Variants in ZFHX3 observed in about 807,000 individuals in gnomAD.
The protein encoded by ZFHX3 is zinc finger homeobox 3, also known as zinc finger homeobox protein 3.
ZFHX3 carries 42 observed loss-of-function variants against 279.1 expected under a neutral mutation model. That is an observed-to-expected ratio of 0.15 (90% CI 0.12 to 0.19). The LOEUF (loss-of-function observed/expected upper bound fraction) is 0.19, where lower values mean the gene tolerates loss of function less well. ZFHX3 is among the 10% of genes least tolerant of loss of function. The pLI, the probability that ZFHX3 is intolerant of heterozygous loss-of-function variation, is 1.00. For missense variants in ZFHX3, 4,981 were observed against 4,754.0 expected (o/e 1.05, Z -1.40); for synonymous variants, 2,293 against 1,957.8 (o/e 1.17, Z -4.52).
intron 3 of ZFHX3, among the ~76,000 whole-genome samples, chr16:73,378,953 C>T (rs1237741288): frequency 1.3e-5 from 2 of 152,106 alleles, no homozygotes; most frequent in Non-Finnish European, 2.9e-5. Flanking sequence ...CTTGTTCTAA[C>T]TGAAGTGTAA....
At chr16:73,641,244 T>A (rs565337719) in intron 2 of ZFHX3, among the ~76,000 whole-genome samples, 18 of 151,824 alleles carry the variant, frequency 1.2e-4, no homozygotes, top group African/African-American at 4.4e-4. Flanking sequence ...AAGCATAAAA[T>A]CCAGGGAAAG....
chr16:73,832,690 G>A (rs765071566), intron 1 of ZFHX3, among the ~76,000 whole-genome samples: 1 of 152,058 alleles, frequency 6.6e-6, no homozygotes, highest in South Asian at 2.1e-4. Flanking sequence ...TGGGATTACA[G>A]GCATGAGCCA....
intron 2 of ZFHX3, among the ~76,000 whole-genome samples, chr16:72,952,589 G>C (rs1202448790): frequency 6.6e-6 from 1 of 152,174 alleles, no homozygotes; most frequent in Non-Finnish European, 1.5e-5. Flanking sequence ...AGTGAAAAAA[G>C]AGCGGGACTG....
At chr16:73,872,599 G>C (rs1018296564) in intron 1 of ZFHX3, among the ~76,000 whole-genome samples, 13 of 151,184 alleles carry the variant, frequency 8.6e-5, no homozygotes, top group Admixed American at 8.6e-4. Context: ...CCTCTGAATA[G>C]TACATGAATT....
At chr16:73,196,398 T>C (rs1425906371) in intron 5 of ZFHX3, among the ~76,000 whole-genome samples, 1 of 152,140 alleles carries the variant, frequency 6.6e-6, no homozygotes, top group African/African-American at 2.4e-5. Flanking sequence ...TTTCCCATCC[T>C]GATGGCTACG....
chr16:72,795,792 G>A lies in ZFHX3; in HGVS notation c.6890C>T (p.Ala2297Val), dbSNP rs2143421258. ...VVWFQNARQK[A>V]RKNYENQGEG... Reference sequence around the variant, plus strand: ...TCCCTGATTCTCATAATTCTTCCTGGCCTTCTGTCGGGCATTCTGAAACCA... The same window carrying A: ...TCCCTGATTCTCATAATTCTTCCTGACCTTCTGTCGGGCATTCTGAAACCA... The change falls in exon 9 of 10, where the codon GCC becomes GTC. Residue 2297 changes from alanine to valine, a missense_variant. This residue lies in a region of ZFHX3 where 177 missense variants were observed against 244.2 expected (regional missense o/e 0.72). Coordinates refer to ENST00000268489, the MANE Select transcript of ZFHX3 (RefSeq NM_006885.4). The A allele has an allele frequency of 6.2e-7, 1 of 1,614,104 alleles. No individual in the cohort carries two copies. Among genetic ancestry groups the A allele is most frequent in the Non-Finnish European group, 8.5e-7 (1 of 1,180,008 alleles).
At chr16:72,896,282 T>A (rs553364130) in intron 3 of ZFHX3, among the ~76,000 whole-genome samples, 4 of 152,302 alleles carry the variant, frequency 2.6e-5, no homozygotes, top group East Asian at 1.9e-4. Flanking sequence ...GGGCTACTCA[T>A]GTTTTAAAAT....
chr16:73,574,634 C>T (rs1025681100), intron 2 of ZFHX3, among the ~76,000 whole-genome samples: 1 of 152,160 alleles, frequency 6.6e-6, no homozygotes, highest in Non-Finnish European at 1.5e-5. Flanking sequence ...GGATTCCTAA[C>T]ACAGGGGTTT....
At chr16:73,226,218 C>T (rs2012586484) in intron 5 of ZFHX3, among the ~76,000 whole-genome samples, 1 of 152,190 alleles carries the variant, frequency 6.6e-6, no homozygotes, top group Non-Finnish European at 1.5e-5. Context: ...TCCCAGGTGC[C>T]TCAAAATCTC....
intron 7 of ZFHX3, among the ~76,000 whole-genome samples, chr16:73,108,387 T>C (rs997031500): frequency 2.0e-5 from 3 of 151,702 alleles, no homozygotes; most frequent in African/African-American, 7.3e-5. Context: ...AGGAAGACGA[T>C]GAAGAGGAGA....
In ZFHX3 at chr16:72,998,325, C is replaced by T. The variant is rs1419297411; in HGVS notation, c.-49-38131G>A. 2.6e-5 allele frequency among the ~76,000 whole-genome samples: 4 copies of T among 151,960 alleles called. No individual in the cohort carries two copies. In the East Asian group the frequency reaches 7.7e-4, roughly 29 times the overall value. On this transcript the variant is annotated intron_variant, in intron 1 of 9. Transcript: ENST00000268489. ...CTGAGGCACAAGAATTGCTTGAATC[C>T]AGGAGGCAGAGTTTGTAGTGAGCCA...
rs141305201 is a variant in ZFHX3, at chr16:73,316,042, A to G, written c.-1194+2198T>C. Among the ~76,000 whole-genome samples the G allele has an allele frequency of 6.3e-3, 952 of 152,224 alleles. 10 individuals carry two copies. The highest frequency in any genetic ancestry group is 0.021 in the African/African-American group (876 of 41,542). ...ACCGCTGGCCCGCACTGGCCAGACC[A>G]TGGGGAGAGGCTCTCAGAGGACAGT... On this transcript the variant is annotated intron_variant, in intron 4 of 17. Transcript: ENST00000641206.
intron 8 of ZFHX3, among the ~76,000 whole-genome samples, chr16:73,085,420 A>G (rs1597151355): frequency 6.6e-6 from 1 of 152,086 alleles, no homozygotes; most frequent in Non-Finnish European, 1.5e-5. Context: ...CACCACGCCC[A>G]GCTAATTTAG....
chr16:73,817,240 A>T (rs924679629), intron 1 of ZFHX3, among the ~76,000 whole-genome samples: 1 of 152,212 alleles, frequency 6.6e-6, no homozygotes, highest in South Asian at 2.1e-4. Flanking sequence ...CTCAGGTCCA[A>T]AGTAATTCTA....
At chr16:73,659,608 G>C (rs2052759037) in intron 2 of ZFHX3, among the ~76,000 whole-genome samples, 3 of 152,224 alleles carry the variant, frequency 2.0e-5, no homozygotes, top group African/African-American at 4.8e-5. Flanking sequence ...AGGCTCCCCT[G>C]AAATAGAAAT....
chr16:73,342,039 T>C (rs2016041688), intron 3 of ZFHX3, among the ~76,000 whole-genome samples: 1 of 152,214 alleles, frequency 6.6e-6, no homozygotes, highest in South Asian at 2.1e-4. Context: ...CACTCAATTG[T>C]GCACTGTAAA....
intron 1 of ZFHX3, among the ~76,000 whole-genome samples, chr16:73,759,632 C>T (rs2053843226): frequency 6.6e-6 from 1 of 152,118 alleles, no homozygotes; most frequent in Admixed American, 6.6e-5. Flanking sequence ...TAAGGACTCC[C>T]TACTCATTCA....
intron 3 of ZFHX3, among the ~76,000 whole-genome samples, chr16:72,906,846 A>G (rs2039187368): frequency 6.6e-6 from 1 of 151,964 alleles, no homozygotes. Context: ...ATTTTCTTTG[A>G]GCAAAATGGT....
At chr16:73,605,037 G>C (rs2052163669) in intron 2 of ZFHX3, among the ~76,000 whole-genome samples, 1 of 152,130 alleles carries the variant, frequency 6.6e-6, no homozygotes. Flanking sequence ...CTATACCCCA[G>C]CTCTGATTGC....
Sources: allele counts gnomAD v4.1 joint callset (sites outside exome capture counted in the v4.1 genomes callset), GRCh38; gene constraint gnomAD v4.1.1; regional missense constraint gnomAD v4.1.1; transcripts MANE v1.5; gene names NCBI Gene and HGNC (gene_info 2026-07-23, HGNC 2026-07-21).